Variants in PLEKHG7 observed in about 807,000 individuals in gnomAD.
PLEKHG7 encodes the protein pleckstrin homology domain-containing family G member 7.
A neutral mutation model predicts 85.2 loss-of-function variants in PLEKHG7; 77 were observed. The observed-to-expected ratio is 0.90, with a 90% CI of 0.75 to 1.09. The LOEUF is 1.09. Among genes scored for constraint, PLEKHG7 ranks in the 50% least tolerant of loss-of-function variants. The probability of loss-of-function intolerance (pLI) is 0.00; values close to 1 mark genes in which losing one functional copy is unlikely to be tolerated. For synonymous variants in PLEKHG7, 301 were observed against 302.4 expected, an observed-to-expected ratio of 1.00 and a Z score of 0.05; for missense variants, 777 against 804.3, an observed-to-expected ratio of 0.97 and a Z score of 0.41.
chr12:92,768,669 C>A (rs1161358552), intron 15 of PLEKHG7, among the ~76,000 whole-genome samples: 1 of 152,080 alleles, frequency 6.6e-6, no homozygotes, highest in South Asian at 2.1e-4. Flanking sequence ...AAAAAATCTA[C>A]CGCATATGTT....
intron 9 of PLEKHG7, among the ~76,000 whole-genome samples, chr12:92,743,708 C>A (rs146671011): frequency 6.6e-6 from 1 of 152,056 alleles, no homozygotes; most frequent in Non-Finnish European, 1.5e-5. Flanking sequence ...CAGAGGTGTG[C>A]GCCACCATGC....
chr12:92,706,618 A>G lies in PLEKHG7; in HGVS notation c.-14A>G. 1 of 1,587,880 alleles carries G rather than the reference A, an allele frequency of 6.3e-7. No individual in the cohort carries two copies. Among genetic ancestry groups the G allele is most frequent in the Non-Finnish European group, 8.6e-7 (1 of 1,167,498 alleles). The stretch of plus-strand genomic sequence containing the variant: ...TTCTGGAACCTTCTACCAACAGTAG[A>G]ACCTCTTAGCTTTATGGAGAAAACA... On this transcript the variant is annotated 5_prime_UTR_variant, in exon 2 of 17. Transcript: ENST00000344636.
chr12:92,766,131 C>T (rs1238637634), intron 15 of PLEKHG7, among the ~76,000 whole-genome samples: 1 of 152,166 alleles, frequency 6.6e-6, no homozygotes, highest in African/African-American at 2.4e-5. Flanking sequence ...TTCTTACCTG[C>T]CCAAGGGATG....
At chr12:92,720,690 A>G (rs1334400062) in intron 3 of PLEKHG7, among the ~76,000 whole-genome samples, 1 of 152,168 alleles carries the variant, frequency 6.6e-6, no homozygotes, top group African/African-American at 2.4e-5. Context: ...AATCCCGAAT[A>G]ATCTCATCTC....
At chr12:92,762,676 G>A (rs1565797964) in intron 14 of PLEKHG7, among the ~76,000 whole-genome samples, 1 of 152,264 alleles carries the variant, frequency 6.6e-6, no homozygotes, top group East Asian at 1.9e-4. Context: ...TAAGAGGTGG[G>A]AAGAGGAACG....
intron 3 of PLEKHG7, among the ~76,000 whole-genome samples, chr12:92,728,462 AAATATATATACACAC>A (rs1871885992): frequency 6.6e-6 from 1 of 151,266 alleles, no homozygotes; most frequent in Non-Finnish European, 1.5e-5. Flanking sequence ...GTGTATATAT[AAATATATATACACAC>A]CACATTCCAT....
At chr12:92,710,209 AT>A (rs2136571124) in intron 3 of PLEKHG7, among the ~76,000 whole-genome samples, 1 of 152,142 alleles carries the variant, frequency 6.6e-6, no homozygotes, top group East Asian at 1.9e-4. Context: ...ACAGTACCAT[AT>A]ATTGGATGCT....
At chr12:92,762,440 G>C (rs1391499441) in intron 14 of PLEKHG7, among the ~76,000 whole-genome samples, 1 of 152,172 alleles carries the variant, frequency 6.6e-6, no homozygotes, top group Admixed American at 6.5e-5. Context: ...CTGGGAGCTA[G>C]AGCTACAAAA....
intron 4 of PLEKHG7, among the ~76,000 whole-genome samples, chr12:92,731,260 G>A (rs1172346071): frequency 6.6e-6 from 1 of 152,190 alleles, no homozygotes; most frequent in Non-Finnish European, 1.5e-5. Flanking sequence ...CTAAGGGAGA[G>A]TCCACCTAAT....
At chr12:92,725,731 A>G (rs1181946885) in intron 3 of PLEKHG7, among the ~76,000 whole-genome samples, 1 of 152,230 alleles carries the variant, frequency 6.6e-6, no homozygotes, top group Non-Finnish European at 1.5e-5. Context: ...CTAATTATAA[A>G]TTCCTAAACA....
In PLEKHG7 at chr12:92,761,637, A is replaced by AG. The variant is rs1873016498; in HGVS notation, c.1637-114dup. On this transcript the variant is annotated intron_variant, in intron 13 of 16. Transcript: ENST00000344636. The stretch of plus-strand genomic sequence containing the variant: ...AAAGAAAGAAAGAAGAAAGAAAGAA[A>AG]GAAAGAAAGAAAGAAAGAAAGAAAG... 1.8e-5 allele frequency: 9 copies of AG among 506,138 alleles called. No individual in the cohort carries two copies. In the Admixed American group the frequency reaches 2.4e-4, roughly 13 times the overall value. The allele number at this position is 506,138 out of a possible 1,614,324, so 31.4% of individuals were successfully genotyped here.
chr12:92,722,920 G>A (rs1429730494), intron 3 of PLEKHG7, among the ~76,000 whole-genome samples: 3 of 152,124 alleles, frequency 2.0e-5, no homozygotes, highest in Admixed American at 1.3e-4. Context: ...AATCTTCAAC[G>A]TGTTTATTAT....
At chr12:92,710,240 C>A (rs890530488) in intron 3 of PLEKHG7, among the ~76,000 whole-genome samples, 6 of 152,168 alleles carry the variant, frequency 3.9e-5, no homozygotes, top group Admixed American at 6.5e-5. Flanking sequence ...CATTACATGG[C>A]CATCCAGAAA....
At chr12:92,740,795 A>C (rs1323043437) in intron 7 of PLEKHG7, 58 bp from the exon 8 acceptor site, 1 of 1,175,012 alleles carries the variant, frequency 8.5e-7, no homozygotes, top group African/African-American at 1.5e-5. Flanking sequence ...TTCTTGCAAA[A>C]GGCATGTTGC....
At chr12:92,719,506 G>T (rs1565787642) in intron 3 of PLEKHG7, among the ~76,000 whole-genome samples, 1 of 152,178 alleles carries the variant, frequency 6.6e-6, no homozygotes, top group Non-Finnish European at 1.5e-5. Flanking sequence ...GCCTGATAAG[G>T]CTGCCTGATT....
At chr12:92,745,015 A>G (rs542667623) in intron 9 of PLEKHG7, among the ~76,000 whole-genome samples, 1 of 152,326 alleles carries the variant, frequency 6.6e-6, no homozygotes, top group South Asian at 2.1e-4. Context: ...AATTAAATGC[A>G]TGGAAATTTT....
rs1873441198 is a variant in PLEKHG7 at position 92,771,794 on chromosome 12, C to G, written c.*1599C>G. On this transcript the variant is annotated 3_prime_UTR_variant, in exon 17 of 17. Coordinates refer to ENST00000344636, the MANE Select transcript of PLEKHG7 (RefSeq NM_001377329.1). The stretch of plus-strand genomic sequence containing the variant: ...AGGTGGCCTCTCAAATTCCTTTAGT[C>G]CCATGAATCCAGCAACCACAGACTT... The G allele has an allele frequency of 6.6e-6, 1 of 151,966 alleles. No individual in the cohort carries two copies. Among genetic ancestry groups the G allele is most frequent in the Admixed American group, 6.6e-5 (1 of 15,232 alleles). 9.4% of individuals were successfully genotyped at this position (151,966 alleles called of 1,614,324 possible). A position where few individuals can be genotyped will look rare whatever the true frequency, so the allele number is the denominator to read the frequency against.
intron 3 of PLEKHG7, among the ~76,000 whole-genome samples, chr12:92,713,318 T>C (rs918828329): frequency 4.6e-5 from 7 of 152,222 alleles, no homozygotes; most frequent in African/African-American, 1.7e-4. Context: ...GTTTTCTGCT[T>C]ATGAAAATTA....
At chr12:92,746,324 G>A (rs944952870) in intron 10 of PLEKHG7, among the ~76,000 whole-genome samples, 1 of 152,236 alleles carries the variant, frequency 6.6e-6, no homozygotes, top group Admixed American at 6.5e-5. Flanking sequence ...GCCAGAGCAT[G>A]ACCTCAGAGG....
Sources: gnomAD v4.1 joint callset for allele counts (sites outside exome capture counted in the v4.1 genomes callset) on GRCh38, gnomAD v4.1.1 for gene constraint, MANE v1.5 for transcripts, NCBI Gene and HGNC (gene_info 2026-07-23, HGNC 2026-07-21) for gene names.